Variants in XCR1 observed in about 807,000 individuals in gnomAD.
XCR1 encodes the protein chemokine XC receptor 1.
For missense variants in XCR1, 356 were observed against 424.2 expected, an observed-to-expected ratio of 0.84 and a Z score of 1.41; for synonymous variants, 187 against 188.5, an observed-to-expected ratio of 0.99 and a Z score of 0.06.
intron 1 of XCR1, chr3:46,024,030 T>A (rs1708235164): frequency 3.1e-6 from 4 of 1,299,386 alleles, no homozygotes; most frequent in South Asian, 1.2e-5. Flanking sequence ...GGCAGAAGTT[T>A]GCAGCAAATG....
intron 5 of XCR1, among the ~76,000 whole-genome samples, chr3:46,036,582 A>G (rs1697434352): frequency 6.6e-6 from 1 of 152,246 alleles, no homozygotes; most frequent in African/African-American, 2.4e-5. Context: ...TAAAAATATT[A>G]ATAAAATAAA....
At chr3:46,076,106 A>T (rs1355926633) in intron 2 of XCR1, among the ~76,000 whole-genome samples, 1 of 152,224 alleles carries the variant, frequency 6.6e-6, no homozygotes, top group Admixed American at 6.5e-5. Flanking sequence ...ATTTTTTAAC[A>T]GTCACCTTCC....
intron 3 of XCR1, among the ~76,000 whole-genome samples, chr3:46,069,883 A>T (rs1475992198): frequency 6.8e-6 from 1 of 147,010 alleles, no homozygotes; most frequent in African/African-American, 2.5e-5. Context: ...TTGAGGTGTG[A>T]TGTTAGGTTG....
rs35174940 is a variant in XCR1 at position 46,024,214 on chromosome 3, C to CAAA, written c.-31-2239_-31-2237dup. The CAAA allele has an allele frequency of 8.4e-4, 167 of 198,178 alleles. 1 individual carries two copies. Among genetic ancestry groups the CAAA allele is most frequent in the African/African-American group, 3.5e-3 (139 of 39,352 alleles). 12.3% of individuals were successfully genotyped at this position (198,178 alleles called of 1,614,324 possible). A position where few individuals can be genotyped will look rare whatever the true frequency, so the allele number is the denominator to read the frequency against. On this transcript the variant is annotated intron_variant, in intron 1 of 1. Transcript: ENST00000309285. Reference sequence around the variant, plus strand: ...AATAATACAGTAATAGTTAATCCAGCAAAAAAAAAAAAAAAAATGAAAAGG... The same window carrying CAAA: ...AATAATACAGTAATAGTTAATCCAGCAAAAAAAAAAAAAAAAAAAATGAAAAGG...
chr3:46,037,175 TATTA>T (rs1353236680), intron 5 of XCR1, among the ~76,000 whole-genome samples: 8 of 152,280 alleles, frequency 5.3e-5, no homozygotes, highest in African/African-American at 1.9e-4. Flanking sequence ...ATAAGAATTA[TATTA>T]ATTCTGTATA....
At chr3:46,072,080 A>G (rs1242915257) in intron 3 of XCR1, among the ~76,000 whole-genome samples, 1 of 152,236 alleles carries the variant, frequency 6.6e-6, no homozygotes, top group Non-Finnish European at 1.5e-5. Context: ...TTTAGATTTA[A>G]TAAATGAATT....
At position 46,021,332 on chromosome 3, in the gene XCR1, C is replaced by A. The variant is rs184118987; in HGVS notation, c.616G>T (p.Val206Leu). 1.2e-4 allele frequency: 189 copies of A among 1,614,176 alleles called. No homozygotes were observed. The highest frequency in any genetic ancestry group is 1.6e-4 in the Middle Eastern group (1 of 6,062). ...LSLGIILFCY[V>L]EILRTLFRSR... The stretch of plus-strand genomic sequence containing the variant: ...CGGAACAGGGTCCTGAGGATCTCCA[C>A]GTAGCAGAACAGGATAATCCCCAGG... Residue 206 changes from valine to leucine, a missense_variant, in exon 2 of 2, where the codon GTG becomes TTG. Coordinates refer to ENST00000309285, the MANE Select transcript of XCR1 (RefSeq NM_001024644.2). The surrounding 1 kb of genome is among the most constrained non-coding windows in gnomAD (Gnocchi z 4.7).
intron 5 of XCR1, among the ~76,000 whole-genome samples, chr3:46,048,458 T>G (rs1378123431): frequency 6.6e-6 from 1 of 152,132 alleles, no homozygotes; most frequent in African/African-American, 2.4e-5. Context: ...GGGGTTGATG[T>G]CATTGTGATT....
At chr3:46,050,106 C>T (rs1186250114) in intron 5 of XCR1, among the ~76,000 whole-genome samples, 1 of 152,196 alleles carries the variant, frequency 6.6e-6, no homozygotes, top group Non-Finnish European at 1.5e-5. Flanking sequence ...CCCAAAAGTC[C>T]TCTTGGAGAG....
At chr3:46,068,156 C>T (rs1349264595) in intron 3 of XCR1, among the ~76,000 whole-genome samples, 1 of 152,190 alleles carries the variant, frequency 6.6e-6, no homozygotes, top group Non-Finnish European at 1.5e-5. Flanking sequence ...CAAATTCTAC[C>T]AGCCTCAGCA....
intron 5 of XCR1, among the ~76,000 whole-genome samples, chr3:46,049,768 T>C (rs1303039125): frequency 6.6e-6 from 1 of 152,198 alleles, no homozygotes; most frequent in Non-Finnish European, 1.5e-5. Flanking sequence ...AGGCTTGTGA[T>C]GAATAATGAA....
intron 5 of XCR1, among the ~76,000 whole-genome samples, chr3:46,033,931 T>C (rs1697366083): frequency 6.6e-6 from 1 of 152,000 alleles, no homozygotes; most frequent in Non-Finnish European, 1.5e-5. Context: ...CTAATGTAAA[T>C]GGTCTTGTTT....
At chr3:46,062,768 G>C (rs1217878896) in intron 4 of XCR1, among the ~76,000 whole-genome samples, 2 of 152,262 alleles carry the variant, frequency 1.3e-5, no homozygotes, top group African/African-American at 4.8e-5. Flanking sequence ...GTGGAAAGGA[G>C]CAGAAAGGAG....
At chr3:46,049,582 C>T (rs1042253558) in intron 5 of XCR1, among the ~76,000 whole-genome samples, 1 of 151,926 alleles carries the variant, frequency 6.6e-6, no homozygotes, top group African/African-American at 2.4e-5. Context: ...AGCTGAATCA[C>T]AGACAATTTT....
rs547044932 is a variant in XCR1 at position 46,059,710 on chromosome 3, C to T, written c.-182-5640G>A. On this transcript the variant is annotated intron_variant, in intron 4 of 5. Coordinates refer to the XCR1 transcript ENST00000683768. Reference sequence around the variant, plus strand: ...TCCACTTGGCTGAGGACTGAATACTCATGACCAATGTCCCTGACAAAGTTT... The same window carrying T: ...TCCACTTGGCTGAGGACTGAATACTTATGACCAATGTCCCTGACAAAGTTT... Among the ~76,000 whole-genome samples the T allele has an allele frequency of 1.1e-4, 16 of 152,310 alleles. 1 individual carries two copies. Among genetic ancestry groups the T allele is most frequent in the Admixed American group, 8.5e-4 (13 of 15,298 alleles).
intron 1 of XCR1, among the ~76,000 whole-genome samples, chr3:46,026,733 T>C (rs1708295554): frequency 6.6e-6 from 1 of 151,688 alleles, no homozygotes; most frequent in Admixed American, 6.6e-5. Flanking sequence ...CAGGTGCCCG[T>C]CACCACACCT....
At chr3:46,038,210 G>A (rs1697472761) in intron 5 of XCR1, among the ~76,000 whole-genome samples, 1 of 151,866 alleles carries the variant, frequency 6.6e-6, no homozygotes, top group African/African-American at 2.4e-5. Context: ...GAGAGGTGGG[G>A]TTTCACTATG....
At chr3:46,026,686 C>T (rs763768222) in intron 1 of XCR1, among the ~76,000 whole-genome samples, 3 of 151,408 alleles carry the variant, frequency 2.0e-5, no homozygotes, top group Non-Finnish European at 2.9e-5. Context: ...AGATTCATGC[C>T]ATTCTCCTGA....
chr3:46,033,135 G>T (rs946400762), intron 5 of XCR1, among the ~76,000 whole-genome samples: 1 of 151,596 alleles, frequency 6.6e-6, no homozygotes, highest in Non-Finnish European at 1.5e-5. Flanking sequence ...TTGTAATAAA[G>T]TCTAATTTAT....
Sources: gnomAD v4.1 joint callset for allele counts (sites outside exome capture counted in the v4.1 genomes callset) on GRCh38, gnomAD v4.1.1 for gene constraint, Gnocchi (gnomAD v3.1) non-coding constraint, MANE v1.5 for transcripts, NCBI Gene and HGNC (gene_info 2026-07-23, HGNC 2026-07-21) for gene names.